Variants in SPATA17 observed in about 807,000 individuals in gnomAD.
SPATA17 encodes the protein spermatogenesis-associated protein 17.
A neutral mutation model predicts 62.2 loss-of-function variants in SPATA17; 53 were observed. The observed-to-expected ratio is 0.85, with a 90% CI of 0.68 to 1.07. The LOEUF is 1.07. Among genes scored for constraint, SPATA17 ranks in the 50% least tolerant of loss-of-function variants. The pLI, the probability that SPATA17 is intolerant of heterozygous loss-of-function variation, is 0.00. For synonymous variants in SPATA17, 146 were observed against 146.8 expected (o/e 0.99, Z 0.04); for missense variants, 466 against 425.5 (o/e 1.10, Z -0.84).
In SPATA17 at chr1:217,774,441, G is replaced by A. The variant is rs777687731; in HGVS notation, c.627G>A (p.Lys209=). ...LTHRRPKVKQ[K]DSTSLTDWLA... ...ACCGAAGACCTAAAGTTAAGCAGAAGGACTCCACCAGCCTTACTGATTGGC... is the reference window on the plus strand; with the variant it reads ...ACCGAAGACCTAAAGTTAAGCAGAAAGACTCCACCAGCCTTACTGATTGGC... Residue 209 remains lysine, a synonymous_variant, in exon 7 of 11, where the codon AAG becomes AAA. Transcript: ENST00000366933. The A allele has an allele frequency of 1.2e-6, 2 of 1,614,074 alleles. No homozygotes were observed. The highest frequency in any genetic ancestry group is 1.7e-6 in the Non-Finnish European group (2 of 1,180,000).
chr1:217,797,155 A>G (rs966478609), intron 8 of SPATA17, among the ~76,000 whole-genome samples: 7 of 152,178 alleles, frequency 4.6e-5, no homozygotes, highest in African/African-American at 1.7e-4. Flanking sequence ...GGTTTATGAG[A>G]ACCGGGTCAT....
chr1:217,738,772 C>T (rs1241105427), intron 5 of SPATA17, among the ~76,000 whole-genome samples: 2 of 152,044 alleles, frequency 1.3e-5, no homozygotes, highest in East Asian at 1.9e-4. Context: ...GCCAACATGG[C>T]GAAACACTAT....
At chr1:217,758,758 T>C (rs979392812) in intron 6 of SPATA17, among the ~76,000 whole-genome samples, 6 of 152,128 alleles carry the variant, frequency 3.9e-5, no homozygotes, top group Admixed American at 2.0e-4. Flanking sequence ...TTAGGAAAGG[T>C]TGGAAGAATC....
At chr1:217,664,936 G>T (rs1413072195) in intron 3 of SPATA17, among the ~76,000 whole-genome samples, 1 of 151,978 alleles carries the variant, frequency 6.6e-6, no homozygotes, top group African/African-American at 2.4e-5. Flanking sequence ...AGCTAAAAAG[G>T]AATGGTAAGA....
At chr1:217,689,860 T>C (rs975437282) in intron 5 of SPATA17, among the ~76,000 whole-genome samples, 12 of 152,024 alleles carry the variant, frequency 7.9e-5, no homozygotes, top group African/African-American at 2.9e-4. Context: ...CCCTGTACCA[T>C]CACAGAAGCC....
At chr1:217,821,475 C>T (rs1674861386) in intron 9 of SPATA17, among the ~76,000 whole-genome samples, 1 of 152,016 alleles carries the variant, frequency 6.6e-6, no homozygotes. Context: ...ATAAAATGAA[C>T]AGTGAAAAAG....
intron 4 of SPATA17, among the ~76,000 whole-genome samples, chr1:217,677,444 A>G (rs572327614): frequency 2.0e-5 from 3 of 152,102 alleles, no homozygotes; most frequent in East Asian, 3.9e-4. Context: ...TAGAATAATG[A>G]CCCCGAGATT....
intron 5 of SPATA17, among the ~76,000 whole-genome samples, chr1:217,695,769 G>A (rs1671438958): frequency 1.2e-5 from 1 of 85,766 alleles, no homozygotes; most frequent in South Asian, 4.1e-4. Context: ...GTGTCAGTGT[G>A]CCCCTGCTGG....
chr1:217,711,299 C>A (rs560001838), intron 5 of SPATA17, among the ~76,000 whole-genome samples: 1 of 152,260 alleles, frequency 6.6e-6, no homozygotes, highest in South Asian at 2.1e-4. Context: ...CTTCCCACCC[C>A]GCACTGCCAA....
intron 9 of SPATA17, among the ~76,000 whole-genome samples, chr1:217,854,282 A>G (rs1675728118): frequency 1.3e-5 from 2 of 152,170 alleles, no homozygotes; most frequent in African/African-American, 2.4e-5. Flanking sequence ...CCACAAAAAC[A>G]CTGCGAATAT....
chr1:217,701,333 A>T (rs1160320990), intron 5 of SPATA17, among the ~76,000 whole-genome samples: 5 of 151,268 alleles, frequency 3.3e-5, no homozygotes, highest in Non-Finnish European at 1.5e-5. Context: ...ATATGTGTGT[A>T]TATATGTGTG....
chr1:217,755,006 A>G (rs763653005), intron 6 of SPATA17, among the ~76,000 whole-genome samples: 36 of 152,158 alleles, frequency 2.4e-4, no homozygotes, highest in Admixed American at 2.1e-3. Flanking sequence ...TTAAGTTCTG[A>G]GATCAAAGTA....
chr1:217,661,738 G>A (rs1481616154), intron 3 of SPATA17, among the ~76,000 whole-genome samples: 1 of 152,012 alleles, frequency 6.6e-6, no homozygotes, highest in Non-Finnish European at 1.5e-5. Context: ...TCCTATTATT[G>A]AGGATGTGCT....
chr1:217,864,973 T>C (rs1004222721), intron 10 of SPATA17, among the ~76,000 whole-genome samples: 2 of 152,164 alleles, frequency 1.3e-5, no homozygotes, highest in African/African-American at 4.8e-5. Flanking sequence ...ATTTGCCAGC[T>C]CTTCTTTTCA....
At chr1:217,786,586 G>A (rs1673868079) in intron 8 of SPATA17, among the ~76,000 whole-genome samples, 1 of 152,040 alleles carries the variant, frequency 6.6e-6, no homozygotes, top group Non-Finnish European at 1.5e-5. Context: ...ATTATTTATT[G>A]TTTTCTTAGA....
At chr1:217,688,499 C>T (rs189106574) in intron 5 of SPATA17, among the ~76,000 whole-genome samples, 14 of 152,296 alleles carry the variant, frequency 9.2e-5, no homozygotes, top group African/African-American at 3.4e-4. Flanking sequence ...ATCCATCCAA[C>T]TCTCCCTGTT....
At chr1:217,754,988 A>G (rs1341032937) in intron 6 of SPATA17, among the ~76,000 whole-genome samples, 3 of 152,164 alleles carry the variant, frequency 2.0e-5, no homozygotes, top group Non-Finnish European at 2.9e-5. Context: ...TGTTAAGATC[A>G]TAAGTATTTA....
chr1:217,839,327 T>A (rs1265985773), intron 9 of SPATA17, among the ~76,000 whole-genome samples: 1 of 152,098 alleles, frequency 6.6e-6, no homozygotes, highest in Non-Finnish European at 1.5e-5. Flanking sequence ...CCACCAGTTC[T>A]AACAAATTGA....
At chr1:217,677,946 C>T (rs1250551153) in intron 4 of SPATA17, among the ~76,000 whole-genome samples, 2 of 151,914 alleles carry the variant, frequency 1.3e-5, no homozygotes, top group Admixed American at 6.6e-5. Context: ...ATGGTTGTGA[C>T]GTGACAATGC....
Sources: allele counts gnomAD v4.1 joint callset (sites outside exome capture counted in the v4.1 genomes callset), GRCh38; gene constraint gnomAD v4.1.1; transcripts MANE v1.5; gene names NCBI Gene and HGNC (gene_info 2026-07-23, HGNC 2026-07-21).